Variants in FAM135B observed in about 807,000 individuals in gnomAD.
FAM135B encodes the protein family with sequence similarity 135 member B, also known as protein FAM135B.
A neutral mutation model predicts 127.7 loss-of-function variants in FAM135B; 43 were observed. The observed-to-expected ratio is 0.34, with a 90% CI of 0.26 to 0.43. FAM135B has a LOEUF of 0.43. Ranked by LOEUF, FAM135B falls within the 20% of genes least tolerant of loss-of-function variation. The pLI, the probability that FAM135B is intolerant of heterozygous loss-of-function variation, is 1.00. For missense variants in FAM135B, 1,558 were observed against 1,725.6 expected (o/e 0.90, Z 1.72); for synonymous variants, 670 against 665.1 (o/e 1.01, Z -0.11).
rs61390436 is a variant in FAM135B at position 138,379,620 on chromosome 8, G to A, written c.-19-11618C>T. ...GCCCAGGTACCAGGACTCCAAGCTT[G>A]GGGGAAGCATACTGGATACCGAGCC... On this transcript the variant is annotated intron_variant, in intron 1 of 19. Coordinates refer to ENST00000395297, the MANE Select transcript of FAM135B (RefSeq NM_015912.4). Among the ~76,000 whole-genome samples the A allele has an allele frequency of 5.2e-3, 798 of 152,192 alleles. 8 individuals carry two copies. The highest frequency in any genetic ancestry group is 0.018 in the African/African-American group (751 of 41,524).
At chr8:138,370,898 A>G (rs74931012) in intron 1 of FAM135B, among the ~76,000 whole-genome samples, 6,990 of 152,324 alleles carry the variant, frequency 0.046, 300 homozygotes, top group East Asian at 0.17. Context: ...CTATCAGAGC[A>G]GTGGTTTTCA....
At chr8:138,496,317 T>C (rs1291687470) in intron 1 of FAM135B, among the ~76,000 whole-genome samples, 1 of 152,032 alleles carries the variant, frequency 6.6e-6, no homozygotes, top group Non-Finnish European at 1.5e-5. Context: ...CCCAGTGCGG[T>C]CTTCTCCTGA....
intron 9 of FAM135B, among the ~76,000 whole-genome samples, chr8:138,181,581 T>C (rs545683024): frequency 6.6e-6 from 1 of 152,290 alleles, no homozygotes; most frequent in East Asian, 1.9e-4. Flanking sequence ...CTGGTCTCCC[T>C]GCGCACCTTC....
intron 9 of FAM135B, among the ~76,000 whole-genome samples, chr8:138,184,276 A>G (rs1815350131): frequency 1.3e-5 from 2 of 152,188 alleles, no homozygotes; most frequent in Non-Finnish European, 2.9e-5. Flanking sequence ...AGGTGAGAGG[A>G]GCATCACATG....
chr8:138,296,975 C>T (rs1266052111), intron 3 of FAM135B, among the ~76,000 whole-genome samples: 1 of 152,058 alleles, frequency 6.6e-6, no homozygotes, highest in Non-Finnish European at 1.5e-5. Context: ...CACACATAGC[C>T]CAATTTGTCA....
chr8:138,343,606 C>G (rs116475026), intron 2 of FAM135B, among the ~76,000 whole-genome samples: 1,903 of 152,296 alleles, frequency 0.012, 32 homozygotes, highest in African/African-American at 0.044. Context: ...ACCGCCAGTG[C>G]CCAAGGGGAA....
chr8:138,292,509 G>A (rs1052947965), intron 3 of FAM135B, among the ~76,000 whole-genome samples: 1 of 151,998 alleles, frequency 6.6e-6, no homozygotes, highest in African/African-American at 2.4e-5. Flanking sequence ...CCATGCTTAT[G>A]GATAGGAAGA....
At chr8:138,466,720 C>T (rs990502126) in intron 1 of FAM135B, among the ~76,000 whole-genome samples, 3 of 152,118 alleles carry the variant, frequency 2.0e-5, no homozygotes, top group Non-Finnish European at 4.4e-5. Context: ...CTATTTTTAA[C>T]GCTCTTTGTT....
Position 138,325,500 on chromosome 8 carries a change from C to T in FAM135B, c.78-14580G>A, listed in dbSNP as rs923760130. On this transcript the variant is annotated intron_variant, in intron 2 of 19. Coordinates refer to ENST00000395297, the MANE Select transcript of FAM135B (RefSeq NM_015912.4). ...AACCCAAACAGAGGAAGTAAATGGG[C>T]GATCTGGAAAGATTTCAAGAAAATT... Among the ~76,000 whole-genome samples the T allele has an allele frequency of 9.2e-5, 14 of 152,096 alleles. No individual in the cohort carries two copies. The South Asian group carries it at 1.2e-3, about 14-fold the overall frequency.
chr8:138,495,664 T>G (rs576902202), intron 1 of FAM135B, among the ~76,000 whole-genome samples: 151 of 152,300 alleles, frequency 9.9e-4, no homozygotes, highest in African/African-American at 3.5e-3. Context: ...GCTATCTTCC[T>G]TCTTCCGGGG....
intron 3 of FAM135B, among the ~76,000 whole-genome samples, chr8:138,276,098 C>T (rs1346059632): frequency 6.6e-6 from 1 of 152,124 alleles, no homozygotes; most frequent in African/African-American, 2.4e-5. Context: ...GCCCAGAATG[C>T]ACAACATGGG....
intron 3 of FAM135B, among the ~76,000 whole-genome samples, chr8:138,284,702 T>C (rs577781255): frequency 6.6e-6 from 1 of 152,128 alleles, no homozygotes; most frequent in Non-Finnish European, 1.5e-5. Context: ...CACCTCTCAG[T>C]TCAGGCATCT....
rs757138084 is a variant in FAM135B at position 138,152,810 on chromosome 8, G to A, written c.1665C>T (p.Asp555=). ...DGQAPVLTYI[D]VKSSNKNPSR... ...AGGGGTTCTTATTGCTAGATTTTACGTCAATGTAGGTCAGCACTGGGGCCT... is the reference window on the plus strand; with the variant it reads ...AGGGGTTCTTATTGCTAGATTTTACATCAATGTAGGTCAGCACTGGGGCCT... Residue 555 remains aspartate, a synonymous_variant, in exon 13 of 20, where the codon GAC becomes GAT. Coordinates refer to ENST00000395297, the MANE Select transcript of FAM135B (RefSeq NM_015912.4). 186 of 1,613,970 alleles carry A rather than the reference G, an allele frequency of 1.2e-4. No homozygotes were observed. The highest frequency in any genetic ancestry group is 3.7e-4 in the Admixed American group (22 of 59,994).
intron 1 of FAM135B, among the ~76,000 whole-genome samples, chr8:138,478,701 C>T (rs1215992320): frequency 6.6e-6 from 1 of 152,144 alleles, no homozygotes; most frequent in Non-Finnish European, 1.5e-5. Context: ...TAAGACAACC[C>T]TAGGGATATA....
chr8:138,414,467 C>T (rs1015491673), intron 1 of FAM135B, among the ~76,000 whole-genome samples: 7 of 151,922 alleles, frequency 4.6e-5, no homozygotes, highest in African/African-American at 1.7e-4. Context: ...CCCGAAACAC[C>T]CCCCAAAAGA....
chr8:138,186,450 C>T (rs1160977228), intron 9 of FAM135B, among the ~76,000 whole-genome samples: 1 of 152,156 alleles, frequency 6.6e-6, no homozygotes, highest in Non-Finnish European at 1.5e-5. Flanking sequence ...CCACCACTGG[C>T]AGGAGTGGGG....
chr8:138,318,545 A>G (rs1160737479), intron 2 of FAM135B, among the ~76,000 whole-genome samples: 1 of 152,206 alleles, frequency 6.6e-6, no homozygotes, highest in African/African-American at 2.4e-5. Flanking sequence ...TAAATGAAGG[A>G]AGGCATTGAG....
At chr8:138,485,193 C>T (rs536774047) in intron 1 of FAM135B, among the ~76,000 whole-genome samples, 7 of 152,244 alleles carry the variant, frequency 4.6e-5, no homozygotes, top group East Asian at 1.9e-4. Context: ...ACTGTAATTT[C>T]GATTTTCTTT....
At chr8:138,318,698 T>C (rs1250957924) in intron 2 of FAM135B, among the ~76,000 whole-genome samples, 1 of 152,214 alleles carries the variant, frequency 6.6e-6, no homozygotes, top group African/African-American at 2.4e-5. Context: ...GTCTCTTTTA[T>C]GGCTGATTCC....
Sources: allele counts gnomAD v4.1 joint callset (sites outside exome capture counted in the v4.1 genomes callset), GRCh38; gene constraint gnomAD v4.1.1; transcripts MANE v1.5; gene names NCBI Gene and HGNC (gene_info 2026-07-23, HGNC 2026-07-21).